TSNARE1: variants seen among roughly 807,000 people sequenced by gnomAD.
TSNARE1 encodes t-SNARE domain-containing protein 1.
A neutral mutation model predicts 62.0 loss-of-function variants in TSNARE1; 49 were observed. That is an observed-to-expected ratio of 0.79 (90% CI 0.63 to 1.00). TSNARE1 has a LOEUF of 1.00. Among genes scored for constraint, TSNARE1 ranks in the 50% least tolerant of loss-of-function variants. The pLI, the probability that TSNARE1 is intolerant of heterozygous loss-of-function variation, is 0.00. For synonymous variants in TSNARE1, 328 were observed against 294.4 expected (o/e 1.11, Z -1.17); for missense variants, 755 against 700.1 (o/e 1.08, Z -0.88).
At chr8:142,387,323 A>G (rs1426029698) in intron 1 of TSNARE1, among the ~76,000 whole-genome samples, 1 of 152,210 alleles carries the variant, frequency 6.6e-6, no homozygotes, top group Non-Finnish European at 1.5e-5. Context: ...ATAAGTTTGA[A>G]AAGAATAATA....
At chr8:142,358,053 G>A (rs974283793) in intron 1 of TSNARE1, among the ~76,000 whole-genome samples, 27 of 123,294 alleles carry the variant, frequency 2.2e-4, no homozygotes, top group African/African-American at 9.7e-4. Context: ...AGCAGCCAGC[G>A]GCCATCACTG....
At chr8:142,253,193 C>A (rs1183388314) in intron 12 of TSNARE1, among the ~76,000 whole-genome samples, 1 of 152,196 alleles carries the variant, frequency 6.6e-6, no homozygotes, top group Non-Finnish European at 1.5e-5. Context: ...GCTGGCACTA[C>A]GGGTACGGGA....
chr8:142,260,891 G>T (rs1818824474), intron 12 of TSNARE1, among the ~76,000 whole-genome samples: 1 of 146,500 alleles, frequency 6.8e-6, no homozygotes, highest in Non-Finnish European at 1.5e-5. Flanking sequence ...GAAGGTGAGG[G>T]CAGATCTTCT....
intron 12 of TSNARE1, among the ~76,000 whole-genome samples, chr8:142,244,055 A>T (rs1254847168): frequency 6.6e-6 from 1 of 152,172 alleles, no homozygotes; most frequent in African/African-American, 2.4e-5. Context: ...GCGTGGTGGC[A>T]GGCGCCTGTG....
chr8:142,274,735 ACGGAGGCCGGGCCGGC>A, intron 12 of TSNARE1, 30 bp downstream of exon 12: 1 of 1,448,964 alleles, frequency 6.9e-7, no homozygotes, highest in Non-Finnish European at 9.1e-7. Flanking sequence ...AGGATAGGGG[ACGGAGGCCGGGCCGGC>A]CGGGCACTGT....
At chr8:142,275,072 G>A in intron 11 of TSNARE1, 5 of 985,396 alleles carry the variant, frequency 5.1e-6, no homozygotes, top group Non-Finnish European at 6.0e-6. Context: ...CGGAGGCCTG[G>A]AGGTGGCCCA....
At chr8:142,241,508 C>A (rs1490986552) in intron 12 of TSNARE1, among the ~76,000 whole-genome samples, 1 of 152,058 alleles carries the variant, frequency 6.6e-6, no homozygotes, top group African/African-American at 2.4e-5. Flanking sequence ...GAAAAAAAAT[C>A]TAAAATTTGT....
chr8:142,236,227 C>T (rs1034604973), intron 12 of TSNARE1, among the ~76,000 whole-genome samples: 6 of 152,074 alleles, frequency 3.9e-5, no homozygotes, highest in Admixed American at 1.3e-4. Flanking sequence ...AGAGGGAAGC[C>T]TTTTAAAGAG....
chr8:142,365,287 T>G (rs146323103), intron 1 of TSNARE1, among the ~76,000 whole-genome samples: 1 of 152,256 alleles, frequency 6.6e-6, no homozygotes, highest in East Asian at 1.9e-4. Flanking sequence ...GTCAATGTTA[T>G]CAAAGACAGG....
intron 1 of TSNARE1, among the ~76,000 whole-genome samples, chr8:142,384,337 C>CT (rs1215375118): frequency 6.6e-6 from 1 of 152,180 alleles, no homozygotes; most frequent in Non-Finnish European, 1.5e-5. Context: ...CAGAAAAAAA[C>CT]TAACACATTC....
chr8:142,373,789 G>A (rs1836080384), intron 1 of TSNARE1, among the ~76,000 whole-genome samples: 1 of 152,150 alleles, frequency 6.6e-6, no homozygotes, highest in South Asian at 2.1e-4. Context: ...ACCCACTCCA[G>A]GCAGAGGCAA....
chr8:142,232,473 A>T (rs1278696236), intron 12 of TSNARE1, among the ~76,000 whole-genome samples: 14 of 152,188 alleles, frequency 9.2e-5, no homozygotes, highest in Non-Finnish European at 1.9e-4. Flanking sequence ...TGGGTTCAAC[A>T]AATGAGGGGA....
At chr8:142,350,803 T>C (rs1408350457) in intron 2 of TSNARE1, among the ~76,000 whole-genome samples, 1 of 152,212 alleles carries the variant, frequency 6.6e-6, no homozygotes, top group Non-Finnish European at 1.5e-5. Context: ...AGGAAAACCC[T>C]GGTTTCTTCA....
At chr8:142,274,508 C>T (rs1467389811) in intron 12 of TSNARE1, 1 of 985,488 alleles carries the variant, frequency 1.0e-6, no homozygotes, top group Non-Finnish European at 1.2e-6. Context: ...CCCTCGGCTG[C>T]ACCCCGGATC....
At chr8:142,368,030 C>T (rs1318021068) in intron 1 of TSNARE1, among the ~76,000 whole-genome samples, 3 of 151,912 alleles carry the variant, frequency 2.0e-5, no homozygotes, top group Non-Finnish European at 4.4e-5. Context: ...GGAAAAGTTT[C>T]CCAAGCAGGA....
chr8:142,308,675 T>C lies in TSNARE1; in HGVS notation c.1131+5709A>G, dbSNP rs573012306. On this transcript the variant is annotated intron_variant, in intron 9 of 13. Coordinates refer to ENST00000524325, the MANE Select transcript of TSNARE1 (RefSeq NM_145003.5). Reference sequence around the variant, plus strand: ...CTGTTTTCATTTCTGTGCTTTATAGTGTGTTCCAATACCTGATAGTATAAA... The same window carrying C: ...CTGTTTTCATTTCTGTGCTTTATAGCGTGTTCCAATACCTGATAGTATAAA... Among the ~76,000 whole-genome samples, 13 of 152,350 alleles carry C rather than the reference T, an allele frequency of 8.5e-5. No individual in the cohort carries two copies. The South Asian group carries it at 2.1e-3, about 24-fold the overall frequency.
At chr8:142,286,401 T>C (rs1479304549) in intron 10 of TSNARE1, among the ~76,000 whole-genome samples, 1 of 152,234 alleles carries the variant, frequency 6.6e-6, no homozygotes, top group Non-Finnish European at 1.5e-5. Context: ...GCAATTAGCA[T>C]GATCTTAAAC....
At chr8:142,308,384 G>C (rs1827032317) in intron 9 of TSNARE1, among the ~76,000 whole-genome samples, 1 of 152,156 alleles carries the variant, frequency 6.6e-6, no homozygotes, top group African/African-American at 2.4e-5. Flanking sequence ...TTCTGCACAG[G>C]GTGAGCTGAC....
In TSNARE1 at chr8:142,331,306, C is replaced by A. The variant is rs148656900; in HGVS notation, c.824-336G>T. The stretch of plus-strand genomic sequence containing the variant: ...TCCCCTCACCCCATCCGTTGCCCCT[C>A]CCCTGGCCGTGGCTCTCATCCCTGC... On this transcript the variant is annotated intron_variant, in intron 5 of 13. Transcript: ENST00000524325. 5.8e-3 allele frequency among the ~76,000 whole-genome samples: 881 copies of A among 152,378 alleles called. 7 individuals carry two copies. The highest frequency in any genetic ancestry group is 0.017 in the Middle Eastern group (5 of 294).
Sources: gnomAD v4.1 joint callset for allele counts (sites outside exome capture counted in the v4.1 genomes callset) on GRCh38, gnomAD v4.1.1 for gene constraint, MANE v1.5 for transcripts, NCBI Gene and HGNC (gene_info 2026-07-23, HGNC 2026-07-21) for gene names.